AGBL3: variants seen among roughly 807,000 people sequenced by gnomAD.
The protein encoded by AGBL3 is cytosolic carboxypeptidase 3.
A neutral mutation model predicts 94.5 loss-of-function variants in AGBL3; 68 were observed. That is an observed-to-expected ratio of 0.72 (90% confidence interval 0.59 to 0.88). AGBL3 has a LOEUF of 0.88. Among genes scored for constraint, AGBL3 ranks in the 40% least tolerant of loss-of-function variants. The probability of loss-of-function intolerance (pLI) is 0.00; values close to 1 mark genes in which losing one functional copy is unlikely to be tolerated. For missense variants in AGBL3, 934 were observed against 1,103.8 expected, an observed-to-expected ratio of 0.85 and a Z score of 2.18; for synonymous variants, 354 against 370.7, an observed-to-expected ratio of 0.95 and a Z score of 0.52.
intron 4 of AGBL3, among the ~76,000 whole-genome samples, chr7:134,994,699 G>A (rs1810758655): frequency 1.3e-5 from 2 of 152,098 alleles, no homozygotes; most frequent in Admixed American, 6.5e-5. Context: ...ATATCATCTG[G>A]CATATAGATA....
chr7:134,999,873 A>G (rs989459161), intron 4 of AGBL3, among the ~76,000 whole-genome samples: 1 of 152,218 alleles, frequency 6.6e-6, no homozygotes, highest in Non-Finnish European at 1.5e-5. Flanking sequence ...GATGTAGTAC[A>G]GTAGTCTTCC....
At chr7:135,009,637 C>A (rs1194126944) in intron 4 of AGBL3, among the ~76,000 whole-genome samples, 1 of 152,108 alleles carries the variant, frequency 6.6e-6, no homozygotes, top group East Asian at 1.9e-4. Context: ...TGTTCCCCTC[C>A]CCAACACAAC....
chr7:134,989,419 T>A, intron 3 of AGBL3, 109 bp downstream of exon 3: 1 of 744,902 alleles, frequency 1.3e-6, no homozygotes, highest in Non-Finnish European at 2.1e-6. Flanking sequence ...ATGATTATTC[T>A]AGTAGATTGT....
rs1438449105 is a variant in AGBL3, at chr7:135,061,118, T to C, written c.1908+1883T>C. Among the ~76,000 whole-genome samples, 4 of 152,226 alleles carry C rather than the reference T, an allele frequency of 2.6e-5. No individual in the cohort carries two copies. The South Asian group carries it at 8.3e-4, about 32-fold the overall frequency. On this transcript the variant is annotated intron_variant, in intron 12 of 16. Transcript: ENST00000436302. ...GCATGAGGTAATATCCATATGTGGT[T>C]TTAACATGCATTTCTCTGATGATTA...
intron 5 of AGBL3, among the ~76,000 whole-genome samples, chr7:135,031,689 A>G (rs551095207): frequency 1.3e-5 from 2 of 152,228 alleles, no homozygotes; most frequent in South Asian, 2.1e-4. Flanking sequence ...TTTATCCCCA[A>G]TGCTAGGTCA....
At chr7:135,020,840 C>A (rs1477547938) in intron 5 of AGBL3, among the ~76,000 whole-genome samples, 2 of 144,414 alleles carry the variant, frequency 1.4e-5, no homozygotes, top group East Asian at 2.1e-4. Context: ...GTTCTCACTC[C>A]TAGGTGGGAA....
At chr7:135,043,890 A>T in intron 8 of AGBL3, 135 bp from the exon 9 acceptor site, 1 of 1,127,488 alleles carries the variant, frequency 8.9e-7, no homozygotes, top group Non-Finnish European at 1.2e-6. Flanking sequence ...ACAGGTCAGG[A>T]AATAAAAAGT....
At chr7:134,989,941 A>G (rs111700712) in intron 3 of AGBL3, among the ~76,000 whole-genome samples, 8 of 152,206 alleles carry the variant, frequency 5.3e-5, no homozygotes, top group African/African-American at 1.2e-4. Flanking sequence ...ATATACACAT[A>G]TCTATACCCA....
rs377128012 is a variant in AGBL3 at position 135,112,601 on chromosome 7, T to C, written c.2111-2779T>C. ...CCCCATCTATAAGTATGGCTATAAG[T>C]ATATGTATGTAGTGAGTGCCCTGGT... On this transcript the variant is annotated intron_variant, in intron 15 of 16. Coordinates refer to ENST00000436302, the MANE Select transcript of AGBL3 (RefSeq NM_178563.4). Among the ~76,000 whole-genome samples, 10 of 152,342 alleles carry C rather than the reference T, an allele frequency of 6.6e-5. No individual in the cohort carries two copies. In the East Asian group the frequency reaches 1.9e-3, roughly 29 times the overall value.
At chr7:135,061,766 T>C (rs1818856330) in intron 12 of AGBL3, among the ~76,000 whole-genome samples, 1 of 152,130 alleles carries the variant, frequency 6.6e-6, no homozygotes, top group Non-Finnish European at 1.5e-5. Flanking sequence ...GCCAGTACCA[T>C]ACCATTTTGA....
intron 4 of AGBL3, among the ~76,000 whole-genome samples, chr7:135,002,288 A>C (rs1811812774): frequency 6.6e-6 from 1 of 152,196 alleles, no homozygotes. Context: ...TCCAGGAGAG[A>C]CTAGATGGGG....
At chr7:135,036,042 A>G (rs1458341065) in intron 7 of AGBL3, among the ~76,000 whole-genome samples, 3 of 152,108 alleles carry the variant, frequency 2.0e-5, no homozygotes, top group Admixed American at 6.5e-5. Context: ...TATGGTTTCT[A>G]ATAGAAGCAA....
chr7:135,060,857 A>G (rs1168440215), intron 12 of AGBL3, among the ~76,000 whole-genome samples: 1 of 152,176 alleles, frequency 6.6e-6, no homozygotes, highest in Non-Finnish European at 1.5e-5. Context: ...TGCAATGACC[A>G]TGGGAGTGCA....
chr7:134,990,705 A>G (rs1397757615), intron 3 of AGBL3, among the ~76,000 whole-genome samples: 1 of 152,222 alleles, frequency 6.6e-6, no homozygotes, highest in Non-Finnish European at 1.5e-5. Context: ...ATTCCCAGCA[A>G]TGTGTTATTT....
intron 15 of AGBL3, chr7:135,094,435 A>T (rs569629598): frequency 1.5e-5 from 7 of 456,714 alleles, no homozygotes; most frequent in Non-Finnish European, 3.1e-5. Context: ...CAGTGATTTT[A>T]ACAAATTGCC....
At chr7:135,058,637 A>G (rs1377903462) in intron 11 of AGBL3, among the ~76,000 whole-genome samples, 1 of 151,946 alleles carries the variant, frequency 6.6e-6, no homozygotes, top group Non-Finnish European at 1.5e-5. Flanking sequence ...AAAAAATCCT[A>G]CTTTTCTGGA....
At chr7:135,042,876 C>T (rs1584925607) in intron 8 of AGBL3, among the ~76,000 whole-genome samples, 1 of 152,058 alleles carries the variant, frequency 6.6e-6, no homozygotes, top group East Asian at 1.9e-4. Flanking sequence ...CGCACCACTG[C>T]ACTCCAGCCT....
At chr7:135,087,693 A>C (rs1192715819) in intron 15 of AGBL3, among the ~76,000 whole-genome samples, 1 of 151,918 alleles carries the variant, frequency 6.6e-6, no homozygotes, top group East Asian at 1.9e-4. Context: ...AAGATACTTG[A>C]TATTATTTCA....
At chr7:134,986,777 G>A (rs1312788977) in intron 1 of AGBL3, 76 bp downstream of exon 1, 1 of 152,398 alleles carries the variant, frequency 6.6e-6, no homozygotes, top group Non-Finnish European at 1.5e-5. Flanking sequence ...CCCACACCAA[G>A]GTGTCCAGGA....
Sources: allele counts gnomAD v4.1 joint callset (sites outside exome capture counted in the v4.1 genomes callset), GRCh38; gene constraint gnomAD v4.1.1; transcripts MANE v1.5; gene names NCBI Gene and HGNC (gene_info 2026-07-23, HGNC 2026-07-21).